Variants in FRK observed in about 807,000 individuals in gnomAD.
The protein encoded by FRK is fyn related Src family tyrosine kinase.
A neutral mutation model predicts 56.4 loss-of-function variants in FRK; 51 were observed. The observed-to-expected ratio is 0.90, with a 90% CI of 0.72 to 1.14. The LOEUF (loss-of-function observed/expected upper bound fraction) is 1.14. Among genes scored for constraint, FRK ranks in the 50% most tolerant of loss-of-function variants. FRK has a pLI of 0.00. For missense variants in FRK, 570 were observed against 601.4 expected (o/e 0.95, Z 0.55); for synonymous variants, 245 against 217.9 (o/e 1.12, Z -1.10).
chr6:116,022,147 A>C (rs376049507), intron 1 of FRK, among the ~76,000 whole-genome samples: 22 of 152,188 alleles, frequency 1.4e-4, no homozygotes, highest in East Asian at 1.3e-3. Context: ...TAATAACCCT[A>C]TATTTTTTAA....
chr6:115,968,734 C>G lies in FRK; in HGVS notation c.472G>C (p.Asp158His), dbSNP rs1211083494. 1 of 1,610,992 alleles carries G rather than the reference C, an allele frequency of 6.2e-7. No homozygotes were observed. Among genetic ancestry groups the G allele is most frequent in the East Asian group, 2.2e-5 (1 of 44,838 alleles). Residue 158 changes from aspartate to histidine, a missense_variant, in exon 3 of 8, where the codon GAT (aspartate) becomes CAT (histidine). Transcript: ENST00000606080. The stretch of plus-strand genomic sequence containing the variant: ...CTGTAGTGTTTTACAACTGCTCCAT[C>G]TAAAACTGGAACCCAAAATAATTCC... ...QKGEFSLSVL[D>H]GAVVKHYRIK...
intron 4 of FRK, among the ~76,000 whole-genome samples, chr6:115,958,668 GAAA>G (rs1562257115): frequency 0.017 from 46 of 2,706 alleles, 2 homozygotes; most frequent in African/African-American, 0.056. Context: ...AAGAAAGAAA[GAAA>G]GAAAGAAAGA....
At chr6:116,055,920 G>A (rs1050347682) in intron 1 of FRK, among the ~76,000 whole-genome samples, 1 of 152,176 alleles carries the variant, frequency 6.6e-6, no homozygotes, top group Non-Finnish European at 1.5e-5. Flanking sequence ...AAGTTCAGCA[G>A]CACATTTCAT....
In FRK at chr6:116,042,254, G is replaced by C. The variant is rs151120718; in HGVS notation, c.344+17714C>G. 1.5e-3 allele frequency among the ~76,000 whole-genome samples: 223 copies of C among 152,214 alleles called. 1 individual carries two copies. In the East Asian group the frequency reaches 0.04, roughly 27 times the overall value. On this transcript the variant is annotated intron_variant, in intron 1 of 7. Transcript: ENST00000606080. Reference sequence around the variant, plus strand: ...ACAAAGGCAGCAGCCCCAATCAGGGGCTTATAGATAAAATTCCCATCTCCC... The same window carrying C: ...ACAAAGGCAGCAGCCCCAATCAGGGCCTTATAGATAAAATTCCCATCTCCC...
chr6:116,074,053 A>G, the FRK span, among the ~76,000 whole-genome samples: 1 of 141,070 alleles, frequency 7.1e-6, no homozygotes, highest in African/African-American at 2.6e-5. Context: ...CGCTCTTTCT[A>G]TCTTAGCTCT....
intron 1 of FRK, among the ~76,000 whole-genome samples, chr6:116,010,491 A>G (rs1321601118): frequency 1.3e-5 from 2 of 152,238 alleles, no homozygotes; most frequent in African/African-American, 4.8e-5. Context: ...GATACAGGAA[A>G]AAATCCCAAA....
At chr6:116,081,042 T>C in the FRK span, among the ~76,000 whole-genome samples, 1 of 152,202 alleles carries the variant, frequency 6.6e-6, no homozygotes, top group Non-Finnish European at 1.5e-5. Context: ...TCCTACATGG[T>C]GGCAGACAAG....
At chr6:116,022,800 T>C (rs1775927075) in intron 1 of FRK, among the ~76,000 whole-genome samples, 1 of 152,076 alleles carries the variant, frequency 6.6e-6, no homozygotes, top group Non-Finnish European at 1.5e-5. Flanking sequence ...AACTTAATTA[T>C]CTAATAAAAC....
chr6:115,941,516 A>G lies in FRK; in HGVS notation c.*898T>C, dbSNP rs914432823. The G allele has an allele frequency of 6.6e-6, 1 of 152,138 alleles. No individual in the cohort carries two copies. Among genetic ancestry groups the G allele is most frequent in the East Asian group, 1.9e-4 (1 of 5,192 alleles). 9.4% of individuals were successfully genotyped at this position (152,138 alleles called of 1,614,324 possible). A position where few individuals can be genotyped will look rare whatever the true frequency, so the allele number is the denominator to read the frequency against. ...ATAAAAAGTAAAAAATAAAAAATAA[A>G]TAAAACTCTGATCTGTAGGCCAAAG... On this transcript the variant is annotated 3_prime_UTR_variant, in exon 8 of 8. Coordinates refer to ENST00000606080, the MANE Select transcript of FRK (RefSeq NM_002031.3).
chr6:115,994,836 T>C (rs1288605849), intron 2 of FRK, among the ~76,000 whole-genome samples: 1 of 152,006 alleles, frequency 6.6e-6, no homozygotes, highest in East Asian at 1.9e-4. Context: ...AATAAGAAGG[T>C]GGCCATCTGC....
chr6:115,954,984 T>G lies in FRK; in HGVS notation c.958+1468A>C, dbSNP rs972728610. Among the ~76,000 whole-genome samples the G allele has an allele frequency of 6.6e-5, 10 of 152,116 alleles. No homozygotes were observed. The South Asian group carries it at 1.0e-3, about 16-fold the overall frequency. On this transcript the variant is annotated intron_variant, in intron 5 of 7. Coordinates refer to ENST00000606080, the MANE Select transcript of FRK (RefSeq NM_002031.3). ...AGACTGTTAGTTATTGCAGCATATT[T>G]ACATTATGCAGACTGATACAAGATT...
chr6:115,977,747 A>C (rs1283096310), intron 2 of FRK, among the ~76,000 whole-genome samples: 1 of 152,152 alleles, frequency 6.6e-6, no homozygotes, highest in Non-Finnish European at 1.5e-5. Flanking sequence ...TGAACCATAC[A>C]TTGGTTCAAA....
intron 4 of FRK, among the ~76,000 whole-genome samples, chr6:115,957,171 T>C (rs1245073047): frequency 6.6e-6 from 1 of 152,230 alleles, no homozygotes; most frequent in Non-Finnish European, 1.5e-5. Context: ...ATGTTTTATA[T>C]GTTCAACTCG....
At chr6:116,079,034 T>C in the FRK span, among the ~76,000 whole-genome samples, 1 of 152,142 alleles carries the variant, frequency 6.6e-6, no homozygotes, top group African/African-American at 2.4e-5. Context: ...TGGGATGCAC[T>C]TTTGGGTTAT....
chr6:116,059,092 C>A (rs1010497712), intron 1 of FRK, among the ~76,000 whole-genome samples: 2 of 152,058 alleles, frequency 1.3e-5, no homozygotes, highest in Non-Finnish European at 2.9e-5. Flanking sequence ...TCAGTCACTA[C>A]TAGAATAATC....
intron 2 of FRK, among the ~76,000 whole-genome samples, chr6:115,968,983 G>C (rs1415880266): frequency 6.6e-6 from 1 of 152,100 alleles, no homozygotes; most frequent in Admixed American, 6.6e-5. Flanking sequence ...AGCACTAAAA[G>C]AATCCATGCT....
chr6:115,980,910 T>TA (rs1181090528), intron 2 of FRK, among the ~76,000 whole-genome samples: 2 of 152,176 alleles, frequency 1.3e-5, no homozygotes, highest in African/African-American at 4.8e-5. Context: ...TATCTTCTGT[T>TA]AGAGACTCAG....
chr6:116,096,493 C>T, the FRK span, among the ~76,000 whole-genome samples: 4 of 151,994 alleles, frequency 2.6e-5, no homozygotes, highest in Admixed American at 6.6e-5. Context: ...ACTGTAAACA[C>T]GCCAATCAGC....
upstream of FRK, among the ~76,000 whole-genome samples, chr6:116,064,571 C>T (rs111781863): frequency 1.2e-4 from 18 of 152,152 alleles, no homozygotes; most frequent in African/African-American, 4.3e-4. Context: ...GTGAAAAGAG[C>T]CAGGAGCACA....
Sources: gnomAD v4.1 joint callset for allele counts (sites outside exome capture counted in the v4.1 genomes callset) on GRCh38, gnomAD v4.1.1 for gene constraint, MANE v1.5 for transcripts, NCBI Gene and HGNC (gene_info 2026-07-23, HGNC 2026-07-21) for gene names.